ZFHX3: variants seen among roughly 807,000 people sequenced by gnomAD.
The protein encoded by ZFHX3 is zinc finger homeobox protein 3.
ZFHX3 carries 42 observed loss-of-function variants against 279.1 expected under a neutral mutation model. The ratio of observed to expected loss-of-function variants is 0.15; its 90% CI spans 0.12 to 0.19. The LOEUF is 0.19. ZFHX3 is among the 10% of genes least tolerant of loss of function. The pLI is 1.00. For synonymous variants in ZFHX3, 2,293 were observed against 1,957.8 expected, an observed-to-expected ratio of 1.17 and a Z score of -4.52; for missense variants, 4,981 against 4,754.0, an observed-to-expected ratio of 1.05 and a Z score of -1.40.
chr16:73,357,790 C>G (rs2016369228), intron 3 of ZFHX3, among the ~76,000 whole-genome samples: 1 of 152,156 alleles, frequency 6.6e-6, no homozygotes, highest in Admixed American at 6.5e-5. Flanking sequence ...CTGTCAGACT[C>G]CTCACATTCC....
intron 2 of ZFHX3, among the ~76,000 whole-genome samples, chr16:73,577,292 C>G (rs911709071): frequency 3.9e-5 from 6 of 152,078 alleles, no homozygotes; most frequent in African/African-American, 1.4e-4. Context: ...CAGGCACTTC[C>G]TTCTTCTTTA....
intron 3 of ZFHX3, among the ~76,000 whole-genome samples, chr16:73,335,071 T>C (rs1455655756): frequency 1.3e-5 from 2 of 152,082 alleles, no homozygotes; most frequent in Admixed American, 1.3e-4. Flanking sequence ...GTTTTCAACA[T>C]CCAAAATGTG....
chr16:72,998,616 C>T (rs1030738634), intron 1 of ZFHX3, among the ~76,000 whole-genome samples: 1 of 152,174 alleles, frequency 6.6e-6, no homozygotes, highest in African/African-American at 2.4e-5. Flanking sequence ...ATTTCGGGTG[C>T]TTAGGGGCCA....
At chr16:72,868,243 A>C (rs549727225) in intron 4 of ZFHX3, among the ~76,000 whole-genome samples, 1 of 152,280 alleles carries the variant, frequency 6.6e-6, no homozygotes, top group East Asian at 1.9e-4. Context: ...TGTGGTTTTG[A>C]TGATAACATC....
intron 2 of ZFHX3, among the ~76,000 whole-genome samples, chr16:73,498,427 G>T (rs1441947118): frequency 1.3e-5 from 2 of 152,168 alleles, no homozygotes; most frequent in African/African-American, 4.8e-5. Context: ...GTACACTCAA[G>T]ACCTGCACTG....
At chr16:73,156,914 A>G (rs866202355) in intron 5 of ZFHX3, among the ~76,000 whole-genome samples, 4 of 152,020 alleles carry the variant, frequency 2.6e-5, no homozygotes, top group Non-Finnish European at 4.4e-5. Flanking sequence ...GGCTTTCACC[A>G]TGTTGGCCAG....
intron 2 of ZFHX3, among the ~76,000 whole-genome samples, chr16:73,627,606 G>C (rs1277188329): frequency 6.6e-6 from 1 of 152,190 alleles, no homozygotes; most frequent in Admixed American, 6.5e-5. Flanking sequence ...CAAGGGGAAA[G>C]TCTTGACGTG....
At chr16:73,417,744 G>A (rs1474977788) in intron 3 of ZFHX3, among the ~76,000 whole-genome samples, 6 of 151,604 alleles carry the variant, frequency 4.0e-5, no homozygotes, top group African/African-American at 9.7e-5. Flanking sequence ...AGGCTGAAGC[G>A]GGTGGATCAC....
Position 73,177,430 on chromosome 16 carries a change from G to T in ZFHX3, c.-1103-33599C>A, listed in dbSNP as rs147366507. On this transcript the variant is annotated intron_variant, in intron 5 of 17. Coordinates refer to the ZFHX3 transcript ENST00000641206. The stretch of plus-strand genomic sequence containing the variant: ...ATGTTTCTTTAATGTGACACATATC[G>T]TCATAATGGCACCTTACATTTAGAG... 4.2e-3 allele frequency among the ~76,000 whole-genome samples: 646 copies of T among 152,260 alleles called. 2 individuals carry two copies. Among genetic ancestry groups the T allele is most frequent in the Non-Finnish European group, 7.1e-3 (484 of 68,018 alleles).
At chr16:72,833,636 G>T (rs903459767) in intron 4 of ZFHX3, among the ~76,000 whole-genome samples, 4 of 152,148 alleles carry the variant, frequency 2.6e-5, no homozygotes, top group Admixed American at 2.0e-4. Context: ...AGCACACCAG[G>T]AATGCTTTCC....
chr16:73,849,835 C>A (rs1032781977), intron 1 of ZFHX3, among the ~76,000 whole-genome samples: 1 of 152,188 alleles, frequency 6.6e-6, no homozygotes, highest in Non-Finnish European at 1.5e-5. Context: ...CAGGTTCAAG[C>A]GGTTCTCCTG....
intron 3 of ZFHX3, among the ~76,000 whole-genome samples, chr16:73,336,003 C>G (rs1208048512): frequency 2.0e-5 from 3 of 152,174 alleles, no homozygotes; most frequent in Admixed American, 6.5e-5. Flanking sequence ...CTGCCTCTAG[C>G]CATTCGCAGC....
chr16:72,788,331 A>G lies in ZFHX3; in HGVS notation c.9945T>C (p.Phe3315=). Residue 3315 remains phenylalanine, a synonymous_variant, in exon 10 of 10, where the codon TTT becomes TTC. Coordinates refer to ENST00000268489, the MANE Select transcript of ZFHX3 (RefSeq NM_006885.4). ...SQFLPYFVPG[F]SPYYAPQIPG... Reference sequence around the variant, plus strand: ...GGATCTGGGGAGCATAATAAGGAGAAAAGCCTGGTACAAAGTAAGGAAGGA... The same window carrying G: ...GGATCTGGGGAGCATAATAAGGAGAGAAGCCTGGTACAAAGTAAGGAAGGA... 1 of 1,614,172 alleles carries G rather than the reference A, an allele frequency of 6.2e-7. No individual in the cohort carries two copies. The highest frequency in any genetic ancestry group is 8.5e-7 in the Non-Finnish European group (1 of 1,180,016).
chr16:72,983,100 G>A (rs998751126), intron 1 of ZFHX3, among the ~76,000 whole-genome samples: 1 of 152,150 alleles, frequency 6.6e-6, no homozygotes, highest in Non-Finnish European at 1.5e-5. Flanking sequence ...CTATGGGTGT[G>A]AGCAGTTTCT....
intron 3 of ZFHX3, among the ~76,000 whole-genome samples, chr16:73,376,323 T>G (rs2016722189): frequency 6.6e-6 from 1 of 152,266 alleles, no homozygotes; most frequent in African/African-American, 2.4e-5. Flanking sequence ...CATTACCGAC[T>G]TGTTACAATT....
intron 4 of ZFHX3, among the ~76,000 whole-genome samples, chr16:73,289,099 G>T (rs1245831840): frequency 1.3e-5 from 2 of 151,194 alleles, no homozygotes; most frequent in African/African-American, 4.9e-5. Context: ...TGAACTGAAG[G>T]CCAGGACTGA....
chr16:73,841,606 T>A (rs370666905), intron 1 of ZFHX3, among the ~76,000 whole-genome samples: 5 of 152,180 alleles, frequency 3.3e-5, no homozygotes, highest in African/African-American at 1.2e-4. Context: ...GGGTCCCCAG[T>A]GCACGGACCA....
intron 2 of ZFHX3, among the ~76,000 whole-genome samples, chr16:73,467,856 T>G (rs2018599888): frequency 2.0e-5 from 3 of 152,180 alleles, no homozygotes; most frequent in Non-Finnish European, 2.9e-5. Flanking sequence ...AGCTCCTCAG[T>G]GCTGTCTGTC....
At chr16:73,533,311 C>A (rs922901634) in intron 2 of ZFHX3, among the ~76,000 whole-genome samples, 9 of 151,394 alleles carry the variant, frequency 5.9e-5, no homozygotes, top group Non-Finnish European at 1.0e-4. Flanking sequence ...CATCAACCAG[C>A]TTCTGCATTT....
Sources: gnomAD v4.1 joint callset for allele counts (sites outside exome capture counted in the v4.1 genomes callset) on GRCh38, gnomAD v4.1.1 for gene constraint, MANE v1.5 for transcripts, NCBI Gene and HGNC (gene_info 2026-07-23, HGNC 2026-07-21) for gene names.